The following NCKAP5 variants were observed in gnomAD, a reference collection of about 807,000 sequenced individuals.
NCKAP5 encodes nck-associated protein 5.
Under a neutral mutation model 167.0 loss-of-function variants are expected in NCKAP5, and 92 were observed. The ratio of observed to expected loss-of-function variants is 0.55; its 90% CI spans 0.47 to 0.66. The LOEUF (loss-of-function observed/expected upper bound fraction) is 0.66, where lower values mean the gene tolerates loss of function less well. NCKAP5 is among the 30% of genes least tolerant of loss of function. The pLI, the probability that NCKAP5 is intolerant of heterozygous loss-of-function variation, is 0.00. For synonymous variants in NCKAP5, 891 were observed against 877.4 expected, an observed-to-expected ratio of 1.02 and a Z score of -0.27; for missense variants, 2,378 against 2,315.0, an observed-to-expected ratio of 1.03 and a Z score of -0.56.
the NCKAP5 span, among the ~76,000 whole-genome samples, chr2:133,620,351 C>G: frequency 1.3e-5 from 2 of 152,090 alleles, no homozygotes; most frequent in Admixed American, 6.6e-5. Context: ...AATACGTCAA[C>G]CAAGTTTCTG....
chr2:132,939,755 T>A (rs888373653), intron 8 of NCKAP5, among the ~76,000 whole-genome samples: 2 of 152,086 alleles, frequency 1.3e-5, no homozygotes, highest in African/African-American at 4.8e-5. Flanking sequence ...ATCCCAGCAC[T>A]TTGGGAGATT....
intron 6 of NCKAP5, among the ~76,000 whole-genome samples, chr2:133,082,545 G>C (rs1329695597): frequency 6.6e-6 from 1 of 152,156 alleles, no homozygotes; most frequent in African/African-American, 2.4e-5. Context: ...CCTCCTTCCT[G>C]TTTCCTTGGC....
intron 6 of NCKAP5, among the ~76,000 whole-genome samples, chr2:133,067,927 G>A (rs895086841): frequency 4.6e-5 from 7 of 152,110 alleles, no homozygotes; most frequent in African/African-American, 1.7e-4. Flanking sequence ...CCTCAATTGG[G>A]ATAATACAAC....
At chr2:133,135,048 C>T (rs1411656505) in intron 5 of NCKAP5, among the ~76,000 whole-genome samples, 1 of 152,102 alleles carries the variant, frequency 6.6e-6, no homozygotes, top group East Asian at 1.9e-4. Flanking sequence ...GTCAAATGGA[C>T]ATGGTTCCCG....
intron 4 of NCKAP5, among the ~76,000 whole-genome samples, chr2:133,225,767 T>G (rs531799182): frequency 1.7e-4 from 25 of 143,908 alleles, no homozygotes; most frequent in Admixed American, 1.3e-3. Flanking sequence ...GTGTGGGTCA[T>G]CATGCCCTGT....
At chr2:132,930,119 T>C (rs1696252138) in intron 8 of NCKAP5, 1 of 152,192 alleles carries the variant, frequency 6.6e-6, no homozygotes, top group African/African-American at 2.4e-5. Context: ...ACAAATCTCA[T>C]ACTGGTTCTG....
At chr2:133,622,297 A>C in the NCKAP5 span, among the ~76,000 whole-genome samples, 1 of 152,112 alleles carries the variant, frequency 6.6e-6, no homozygotes, top group African/African-American at 2.4e-5. Context: ...CAATCAGACA[A>C]GAGAAAGAAA....
At chr2:133,278,296 A>G (rs1367207) in intron 4 of NCKAP5, among the ~76,000 whole-genome samples, 54,517 of 152,088 alleles carry the variant, frequency 0.36, 10,106 homozygotes, top group African/African-American at 0.44. Context: ...GAAGATGTCA[A>G]GAGGACTGCA....
chr2:133,308,686 ATTCTTTTTTT>A lies in NCKAP5; in HGVS notation c.70-5586_70-5577del, dbSNP rs1428907639. Reference sequence around the variant, plus strand: ...TGCTTTTTTCGTTTGAAGAAATACAATTCTTTTTTTTTTTTTTTTTTTTTTTTTTTTTTGA... The same window carrying A: ...TGCTTTTTTCGTTTGAAGAAATACAATTTTTTTTTTTTTTTTTTTTTTTGA... On this transcript the variant is annotated intron_variant, in intron 3 of 19. Coordinates refer to ENST00000409261, the MANE Select transcript of NCKAP5 (RefSeq NM_207363.3). Among the ~76,000 whole-genome samples, 646 of 118,780 alleles carry A rather than the reference ATTCTTTTTTT, an allele frequency of 5.4e-3. 6 individuals carry two copies. Among genetic ancestry groups the A allele is most frequent in the African/African-American group, 0.019 (614 of 32,256 alleles). The allele number at this position is 118,780 out of a possible 152,430, so 77.9% of individuals were successfully genotyped here.
chr2:133,001,366 G>A (rs953640316), intron 6 of NCKAP5, among the ~76,000 whole-genome samples: 11 of 151,886 alleles, frequency 7.2e-5, no homozygotes, highest in South Asian at 2.1e-4. Context: ...CTAAAGACAC[G>A]AGCCCTCAAT....
chr2:133,338,881 G>C (rs1391352870), intron 3 of NCKAP5, among the ~76,000 whole-genome samples: 2 of 152,116 alleles, frequency 1.3e-5, no homozygotes, highest in East Asian at 1.9e-4. Context: ...TTATCTGGGC[G>C]TGGTGGTGGT....
intron 4 of NCKAP5, among the ~76,000 whole-genome samples, chr2:133,238,844 T>A (rs2087545462): frequency 6.6e-6 from 1 of 152,326 alleles, no homozygotes; most frequent in African/African-American, 2.4e-5. Flanking sequence ...TCCTACAACC[T>A]GTCTGGTCCT....
At chr2:133,671,863 G>A in the NCKAP5 span, among the ~76,000 whole-genome samples, 1 of 152,138 alleles carries the variant, frequency 6.6e-6, no homozygotes, top group Non-Finnish European at 1.5e-5. Context: ...ACTCTCAGAA[G>A]TTCTGCCTGC....
the NCKAP5 span, among the ~76,000 whole-genome samples, chr2:133,584,995 A>AAGGAAGGG: frequency 1.3e-5 from 2 of 150,386 alleles, no homozygotes; most frequent in African/African-American, 2.4e-5. Flanking sequence ...GGAAGGAAGG[A>AAGGAAGGG]GGGAAAGAAA....
intron 5 of NCKAP5, among the ~76,000 whole-genome samples, chr2:133,182,834 A>G (rs1416866214): frequency 6.6e-6 from 1 of 152,188 alleles, no homozygotes; most frequent in Non-Finnish European, 1.5e-5. Flanking sequence ...AGATTCTTGA[A>G]AAGTTCAATC....
the NCKAP5 span, among the ~76,000 whole-genome samples, chr2:133,608,597 G>A: frequency 6.6e-6 from 1 of 152,164 alleles, no homozygotes; most frequent in Non-Finnish European, 1.5e-5. Context: ...CCTTCTCCAA[G>A]TTTATCCTCT....
chr2:133,405,402 C>A lies in NCKAP5; in HGVS notation c.70-102292G>T, dbSNP rs115688392. On this transcript the variant is annotated intron_variant, in intron 3 of 19. Coordinates refer to ENST00000409261, the MANE Select transcript of NCKAP5 (RefSeq NM_207363.3). ...CAGACAGCACTTCGGCACTACTCTT[C>A]GGGGCCATTTTAAACAGTGACATCA... Among the ~76,000 whole-genome samples, 756 of 152,278 alleles carry A rather than the reference C, an allele frequency of 5.0e-3. 5 individuals are homozygous for A. Among genetic ancestry groups the A allele is most frequent in the African/African-American group, 0.017 (717 of 41,560 alleles).
At chr2:133,229,045 C>T (rs568223366) in intron 4 of NCKAP5, among the ~76,000 whole-genome samples, 3 of 152,082 alleles carry the variant, frequency 2.0e-5, no homozygotes, top group South Asian at 2.1e-4. Context: ...ATATCTATTC[C>T]ACTACGTAAA....
chr2:132,898,996 C>T (rs974270978), intron 8 of NCKAP5, among the ~76,000 whole-genome samples: 6 of 152,256 alleles, frequency 3.9e-5, no homozygotes, highest in Middle Eastern at 3.4e-3. Flanking sequence ...GCTTTGATGG[C>T]GGGCATTGAC....
Sources: allele counts gnomAD v4.1 joint callset (sites outside exome capture counted in the v4.1 genomes callset), GRCh38; gene constraint gnomAD v4.1.1; transcripts MANE v1.5; gene names NCBI Gene and HGNC (gene_info 2026-07-23, HGNC 2026-07-21).